CAST: variants seen among roughly 807,000 people sequenced by gnomAD.
The protein encoded by CAST is MIR583 host.
Under a neutral mutation model 119.6 loss-of-function variants are expected in CAST, and 76 were observed. That is an observed-to-expected ratio of 0.64 (90% CI 0.53 to 0.77). The LOEUF (loss-of-function observed/expected upper bound fraction) is 0.77, where lower values mean the gene tolerates loss of function less well. CAST is among the 30% of genes least tolerant of loss of function. CAST has a pLI of 0.00. For synonymous variants in CAST, 319 were observed against 331.6 expected (o/e 0.96, Z 0.41); for missense variants, 953 against 946.5 (o/e 1.01, Z -0.09).
intron 2 of CAST, among the ~76,000 whole-genome samples, chr5:96,689,432 C>T (rs1346810070): frequency 3.3e-5 from 5 of 152,096 alleles, no homozygotes; most frequent in African/African-American, 1.2e-4. Flanking sequence ...TATTAATGCC[C>T]TTGTGAGAAC....
intron 1 of CAST, among the ~76,000 whole-genome samples, chr5:96,558,776 CTA>C (rs1746296375): frequency 6.6e-6 from 1 of 152,108 alleles, no homozygotes; most frequent in Admixed American, 6.6e-5. Context: ...TCTACCAGAG[CTA>C]TGAGGAGGAG....
the CAST span, among the ~76,000 whole-genome samples, chr5:96,258,168 C>G: frequency 5.3e-5 from 8 of 152,128 alleles, no homozygotes; most frequent in Non-Finnish European, 1.5e-5. Context: ...AAGGCCATGA[C>G]ATCGTAACTT....
the CAST span, among the ~76,000 whole-genome samples, chr5:96,483,717 C>A: frequency 7.9e-5 from 12 of 152,002 alleles, no homozygotes; most frequent in Non-Finnish European, 1.5e-4. Context: ...TTATTAAAAT[C>A]AATTTGTATC....
upstream of CAST, chr5:96,662,290 G>A (rs555904487): frequency 6.3e-6 from 7 of 1,111,024 alleles, no homozygotes; most frequent in South Asian, 9.8e-5. Flanking sequence ...GGTCGGAAAA[G>A]CTGTTTCATC....
At chr5:96,585,082 C>G (rs1746836440) in intron 1 of CAST, 1 of 152,188 alleles carries the variant, frequency 6.6e-6, no homozygotes, top group Non-Finnish European at 1.5e-5. Flanking sequence ...GATATATGCA[C>G]ATACTGTTAT....
chr5:96,109,720 A>C, the CAST span, among the ~76,000 whole-genome samples: 8 of 152,180 alleles, frequency 5.3e-5, no homozygotes, highest in Non-Finnish European at 1.0e-4. Flanking sequence ...TGGTGGGTGG[A>C]GGATTTATTT....
At chr5:96,659,446 C>G (rs1210589412), upstream of CAST, among the ~76,000 whole-genome samples, 2 of 152,176 alleles carry the variant, frequency 1.3e-5, no homozygotes, top group Non-Finnish European at 2.9e-5. Context: ...CCATAGCAGG[C>G]ATCTGTTACT....
the CAST span, among the ~76,000 whole-genome samples, chr5:96,166,153 T>C: frequency 6.6e-6 from 1 of 152,120 alleles, no homozygotes; most frequent in African/African-American, 2.4e-5. Flanking sequence ...TCCACAGTGT[T>C]TCCCCCCTGC....
the CAST span, among the ~76,000 whole-genome samples, chr5:96,240,915 A>G: frequency 6.6e-6 from 1 of 152,218 alleles, no homozygotes; most frequent in East Asian, 1.9e-4. Context: ...GATAAAGTAT[A>G]CTTAATTCAC....
intron 1 of CAST, among the ~76,000 whole-genome samples, chr5:96,618,285 G>C (rs73134527): frequency 0.027 from 4,084 of 152,346 alleles, 194 homozygotes; most frequent in African/African-American, 0.092. Flanking sequence ...GAGCTTTGCA[G>C]TCAGGCTAGG....
chr5:96,076,517 A>G, the CAST span, among the ~76,000 whole-genome samples: 1 of 152,200 alleles, frequency 6.6e-6, no homozygotes, highest in African/African-American at 2.4e-5. Flanking sequence ...ATAAAAAACA[A>G]TGCTTAAAGC....
At chr5:96,483,196 C>T in the CAST span, among the ~76,000 whole-genome samples, 5 of 151,950 alleles carry the variant, frequency 3.3e-5, no homozygotes, top group African/African-American at 9.7e-5. Flanking sequence ...GTCTATGAAC[C>T]TCAGGTGTGG....
chr5:96,224,977 AG>A, the CAST span, among the ~76,000 whole-genome samples: 1 of 152,330 alleles, frequency 6.6e-6, no homozygotes, highest in African/African-American at 2.4e-5. Flanking sequence ...GTCCAGACCT[AG>A]GTCATGTGCT....
At chr5:96,351,175 T>G in the CAST span, among the ~76,000 whole-genome samples, 1 of 152,130 alleles carries the variant, frequency 6.6e-6, no homozygotes, top group Non-Finnish European at 1.5e-5. Flanking sequence ...GATTTTGATA[T>G]AAAAACACAT....
chr5:96,135,048 C>T, the CAST span, among the ~76,000 whole-genome samples: 1 of 152,094 alleles, frequency 6.6e-6, no homozygotes, highest in Non-Finnish European at 1.5e-5. Flanking sequence ...TTGGCACTTG[C>T]AGGGACCAGA....
the CAST span, among the ~76,000 whole-genome samples, chr5:96,306,639 G>A: frequency 1.3e-5 from 2 of 152,010 alleles, no homozygotes; most frequent in Admixed American, 1.3e-4. Context: ...AGAGATTCTG[G>A]TACATTGTGT....
the CAST span, among the ~76,000 whole-genome samples, chr5:96,319,584 G>A: frequency 1.6e-4 from 24 of 152,276 alleles, no homozygotes; most frequent in African/African-American, 3.6e-4. Context: ...CTTCACAGGC[G>A]TGCTCTGTGT....
chr5:96,518,038 G>A, the CAST span, among the ~76,000 whole-genome samples: 1 of 152,218 alleles, frequency 6.6e-6, no homozygotes, highest in African/African-American at 2.4e-5. Flanking sequence ...GCTAAAAAAT[G>A]GTGAAGCCAG....
At chr5:96,669,645 G>A (rs1749804761) in intron 1 of CAST, among the ~76,000 whole-genome samples, 1 of 152,188 alleles carries the variant, frequency 6.6e-6, no homozygotes, top group Admixed American at 6.5e-5. Context: ...GCAAAGCTCA[G>A]AATTTGACAG....
Sources: gnomAD v4.1 joint callset for allele counts (sites outside exome capture counted in the v4.1 genomes callset) on GRCh38, gnomAD v4.1.1 for gene constraint, MANE v1.5 for transcripts, NCBI Gene and HGNC (gene_info 2026-07-23, HGNC 2026-07-21) for gene names.